Variants in REC114 observed in about 807,000 individuals in gnomAD.
REC114 encodes REC114 meiotic recombination protein.
Under a neutral mutation model 31.3 loss-of-function variants are expected in REC114, and 27 were observed. The observed-to-expected ratio is 0.86, with a 90% CI of 0.64 to 1.19. REC114 has a LOEUF of 1.19. Among genes scored for constraint, REC114 ranks in the 50% most tolerant of loss-of-function variants. REC114 has a pLI of 0.00. For missense variants in REC114, 344 were observed against 326.9 expected (o/e 1.05, Z -0.40); for synonymous variants, 134 against 127.7 (o/e 1.05, Z -0.33).
At chr15:73,552,965 C>T (rs1284736000) in intron 4 of REC114, among the ~76,000 whole-genome samples, 1 of 152,154 alleles carries the variant, frequency 6.6e-6, no homozygotes, top group Non-Finnish European at 1.5e-5. Context: ...CAGACATCCA[C>T]CACCATGCCC....
In REC114 at chr15:73,459,953, T is replaced by C. The variant is rs575322719; in HGVS notation, c.160-13879T>C. ...TACTGTAAGCTACACCTGACTGATA[T>C]GGAAATTTTTTTTTCTTTTGGTTAT... is the stretch of plus-strand genomic sequence containing the variant. On this transcript the variant is annotated intron_variant, in intron 1 of 5. Coordinates refer to ENST00000331090, the MANE Select transcript of REC114 (RefSeq NM_001042367.2). 6.4e-4 allele frequency among the ~76,000 whole-genome samples: 98 copies of C among 152,302 alleles called. No individual in the cohort carries two copies. In the South Asian group the frequency reaches 0.012, roughly 19 times the overall value.
chr15:73,486,244 C>T (rs544163421), intron 2 of REC114, among the ~76,000 whole-genome samples: 49 of 152,236 alleles, frequency 3.2e-4, no homozygotes, highest in African/African-American at 9.9e-4. Flanking sequence ...ATTGCAGGCA[C>T]GCACCACCAT....
intron 2 of REC114, among the ~76,000 whole-genome samples, chr15:73,492,157 C>T (rs950158289): frequency 6.6e-6 from 1 of 152,110 alleles, no homozygotes; most frequent in Non-Finnish European, 1.5e-5. Flanking sequence ...CTCATATTCC[C>T]TTCCAGTGAC....
chr15:73,544,361 T>C (rs1416438161), intron 3 of REC114, among the ~76,000 whole-genome samples: 3 of 152,228 alleles, frequency 2.0e-5, no homozygotes, highest in Non-Finnish European at 4.4e-5. Context: ...TTTTCAAGTA[T>C]TATGCCAAAA....
At chr15:73,522,140 T>A (rs1020810407) in intron 2 of REC114, among the ~76,000 whole-genome samples, 1 of 152,152 alleles carries the variant, frequency 6.6e-6, no homozygotes, top group Non-Finnish European at 1.5e-5. Context: ...TCCAGCCTCC[T>A]CTCCTTCCCT....
chr15:73,485,813 A>G (rs1893357375), intron 2 of REC114, among the ~76,000 whole-genome samples: 1 of 152,210 alleles, frequency 6.6e-6, no homozygotes, highest in Admixed American at 6.5e-5. Context: ...GGAATAGCCT[A>G]CTACAGCCAC....
At chr15:73,496,584 T>G (rs1241836865) in intron 2 of REC114, among the ~76,000 whole-genome samples, 1 of 136,188 alleles carries the variant, frequency 7.3e-6, no homozygotes, top group African/African-American at 2.8e-5. Context: ...ATCCGGGAGG[T>G]GGAGGTTGCA....
intron 3 of REC114, 101 bp from the exon 4 acceptor site, chr15:73,550,837 C>G: frequency 9.3e-7 from 1 of 1,070,434 alleles, no homozygotes; most frequent in Non-Finnish European, 1.4e-6. Flanking sequence ...CTTATCTATA[C>G]CTCTTCCTCC....
chr15:73,451,017 C>T (rs4023377), intron 1 of REC114, among the ~76,000 whole-genome samples: 1 of 152,084 alleles, frequency 6.6e-6, no homozygotes, highest in African/African-American at 2.4e-5. Context: ...GTACTAAATG[C>T]CCACAAGAGA....
chr15:73,539,243 C>A (rs1894205371), intron 2 of REC114, among the ~76,000 whole-genome samples: 1 of 148,250 alleles, frequency 6.7e-6, no homozygotes. Flanking sequence ...GGAAAAAAAA[C>A]CTATTGATAA....
At chr15:73,524,031 G>A (rs893583811) in intron 2 of REC114, among the ~76,000 whole-genome samples, 5 of 152,132 alleles carry the variant, frequency 3.3e-5, no homozygotes, top group African/African-American at 7.2e-5. Context: ...TTCATAGAAA[G>A]TATATTGTGA....
chr15:73,526,765 C>T (rs189888583), intron 2 of REC114, among the ~76,000 whole-genome samples: 2 of 152,186 alleles, frequency 1.3e-5, no homozygotes, highest in African/African-American at 4.8e-5. Context: ...TTTCATATAT[C>T]TAGTACTTTT....
chr15:73,459,767 C>A (rs1379641907), intron 1 of REC114, among the ~76,000 whole-genome samples: 3 of 152,144 alleles, frequency 2.0e-5, no homozygotes, highest in Non-Finnish European at 4.4e-5. Flanking sequence ...TCATCTTATT[C>A]TTTTTCTTTG....
At chr15:73,544,679 G>C (rs1312862337) in intron 3 of REC114, among the ~76,000 whole-genome samples, 1 of 152,186 alleles carries the variant, frequency 6.6e-6, no homozygotes, top group Non-Finnish European at 1.5e-5. Context: ...TTTTTAAAAT[G>C]ATTTCGTCTA....
chr15:73,513,148 T>C (rs902368354), intron 2 of REC114, among the ~76,000 whole-genome samples: 1 of 144,746 alleles, frequency 6.9e-6, no homozygotes, highest in Admixed American at 6.9e-5. Flanking sequence ...TCATTTCTTT[T>C]TATTCTTTTT....
chr15:73,531,132 C>T (rs1222776779), intron 2 of REC114, among the ~76,000 whole-genome samples: 2 of 152,184 alleles, frequency 1.3e-5, no homozygotes, highest in East Asian at 3.8e-4. Context: ...ATGCCAGTGA[C>T]ACCCCATGAT....
chr15:73,452,674 A>G (rs1253383328), intron 1 of REC114, among the ~76,000 whole-genome samples: 1 of 152,246 alleles, frequency 6.6e-6, no homozygotes, highest in East Asian at 1.9e-4. Flanking sequence ...CTGCATAGCC[A>G]AGACAATCCT....
intron 1 of REC114, among the ~76,000 whole-genome samples, chr15:73,460,206 T>C (rs1191511024): frequency 6.6e-6 from 1 of 152,218 alleles, no homozygotes; most frequent in Non-Finnish European, 1.5e-5. Flanking sequence ...CTATGGATTG[T>C]TTATGAAACA....
At chr15:73,496,936 T>A (rs1032468577) in intron 2 of REC114, among the ~76,000 whole-genome samples, 36 of 152,176 alleles carry the variant, frequency 2.4e-4, no homozygotes, top group African/African-American at 7.5e-4. Flanking sequence ...TTATTTTTTT[T>A]TTTTTTTAAT....
Sources: allele counts gnomAD v4.1 joint callset (sites outside exome capture counted in the v4.1 genomes callset), GRCh38; gene constraint gnomAD v4.1.1; transcripts MANE v1.5; gene names NCBI Gene and HGNC (gene_info 2026-07-23, HGNC 2026-07-21).